The following ASIP variants were observed in gnomAD, a reference collection of about 807,000 sequenced individuals.
The protein encoded by ASIP is agouti signaling protein.
In ASIP, 11 loss-of-function variants were observed where a neutral mutation model predicts 10.3. The observed-to-expected ratio is 1.07, with a 90% CI of 0.68 to 1.78. The LOEUF is 1.78. Ranked by LOEUF, ASIP falls within the 40% of genes most tolerant of loss-of-function variation. The probability of loss-of-function intolerance (pLI) is 0.00; values close to 1 mark genes in which losing one functional copy is unlikely to be tolerated. For synonymous variants in ASIP, 70 were observed against 70.8 expected, an observed-to-expected ratio of 0.99 and a Z score of 0.06; for missense variants, 180 against 169.2, an observed-to-expected ratio of 1.06 and a Z score of -0.35.
At chr20:34,245,758 A>C (rs1289077828) in intron 1 of ASIP, among the ~76,000 whole-genome samples, 1 of 151,852 alleles carries the variant, frequency 6.6e-6, no homozygotes, top group Non-Finnish European at 1.5e-5. Flanking sequence ...TGTTTATTTG[A>C]CTTTGGCAAT....
chr20:34,215,051 G>A (rs1246937448), intron 1 of ASIP: 13 of 1,516,138 alleles, frequency 8.6e-6, no homozygotes, highest in African/African-American at 1.4e-5. Context: ...TCTTCTTCCT[G>A]GTCAATGCTG....
intron 1 of ASIP, among the ~76,000 whole-genome samples, chr20:34,247,020 T>A (rs1197060286): frequency 1.3e-5 from 2 of 149,812 alleles, no homozygotes; most frequent in African/African-American, 2.5e-5. Context: ...TTAGACAGGG[T>A]CTCACTCTAT....
chr20:34,235,896 A>G lies in ASIP; in HGVS notation c.-10-24469A>G, dbSNP rs1466536244. Among the ~76,000 whole-genome samples the G allele has an allele frequency of 1.4e-4, 13 of 95,786 alleles. No homozygotes were observed. In the African/African-American group the frequency reaches 1.5e-3, roughly 11 times the overall value. The allele number at this position is 95,786 out of a possible 152,430, so 62.8% of individuals were successfully genotyped here. ...AAGGAAGGAAGGAAGGAAGGAAGGA[A>G]GGAAAGGAAGGAAGGAAGGAAGGAA... On this transcript the variant is annotated intron_variant, in intron 1 of 3. Transcript: ENST00000568305.
At chr20:34,256,338 C>T (rs575621055) in intron 1 of ASIP, among the ~76,000 whole-genome samples, 101 of 152,274 alleles carry the variant, frequency 6.6e-4, no homozygotes, top group African/African-American at 2.2e-3. Context: ...TGGTAGTGGT[C>T]CCCCGGACCC....
chr20:34,208,423 C>T (rs747822481), intron 1 of ASIP, among the ~76,000 whole-genome samples: 94 of 152,116 alleles, frequency 6.2e-4, no homozygotes, highest in Non-Finnish European at 1.2e-3. Context: ...GGTGTGATCA[C>T]GGCACACTGA....
At chr20:34,246,612 A>G (rs563787456) in intron 1 of ASIP, 8 of 645,036 alleles carry the variant, frequency 1.2e-5, no homozygotes, top group Middle Eastern at 4.3e-4. Context: ...ACATGCCACC[A>G]TGCCTGACTA....
intron 1 of ASIP, among the ~76,000 whole-genome samples, chr20:34,200,999 TC>T (rs2034890959): frequency 3.1e-5 from 2 of 65,202 alleles, no homozygotes; most frequent in East Asian, 4.4e-4. Context: ...CTTCCTTCCT[TC>T]CTTCCTTCCT....
At chr20:34,266,282 G>A (rs1324918215) in intron 3 of ASIP, among the ~76,000 whole-genome samples, 1 of 150,854 alleles carries the variant, frequency 6.6e-6, no homozygotes, top group African/African-American at 2.4e-5. Context: ...AACCCGGGAG[G>A]CAGAGTACAG....
intron 1 of ASIP, among the ~76,000 whole-genome samples, chr20:34,235,833 GAAAGAAA>G (rs1568755878): frequency 7.6e-4 from 48 of 63,102 alleles, no homozygotes; most frequent in African/African-American, 5.4e-3. Context: ...AAGAAAGAAA[GAAAGAAA>G]GAAGGAAGGA....
At chr20:34,196,339 A>G (rs1478202854) in intron 1 of ASIP, among the ~76,000 whole-genome samples, 1 of 151,648 alleles carries the variant, frequency 6.6e-6, no homozygotes, top group African/African-American at 2.4e-5. Flanking sequence ...ACGCCCAGCT[A>G]ATTTTTTGTA....
chr20:34,214,729 A>G (rs1263813681), intron 1 of ASIP: 13 of 1,166,952 alleles, frequency 1.1e-5, no homozygotes, highest in Admixed American at 6.7e-5. Context: ...CAATTTTTTC[A>G]TAACGGCCAA....
At chr20:34,217,254 A>G (rs2035014825) in intron 1 of ASIP, among the ~76,000 whole-genome samples, 1 of 151,946 alleles carries the variant, frequency 6.6e-6, no homozygotes, top group South Asian at 2.1e-4. Flanking sequence ...CCTGGGCAAC[A>G]TGGCAAAACC....
chr20:34,236,764 A>G (rs950587109), upstream of ASIP, among the ~76,000 whole-genome samples: 7 of 152,208 alleles, frequency 4.6e-5, no homozygotes, highest in Admixed American at 1.3e-4. Context: ...CAGCTGAAGA[A>G]TTTTGGGAAA....
chr20:34,261,763 T>C (rs910217284), intron 2 of ASIP, among the ~76,000 whole-genome samples: 3 of 150,430 alleles, frequency 2.0e-5, no homozygotes, highest in Admixed American at 6.6e-5. Context: ...GATCACACCA[T>C]TGCACTCCAG....
At chr20:34,265,597 G>A (rs2035770258) in intron 3 of ASIP, among the ~76,000 whole-genome samples, 1 of 152,038 alleles carries the variant, frequency 6.6e-6, no homozygotes. Context: ...AGGGTCAACT[G>A]TATATAATTA....
chr20:34,221,489 T>C (rs974116057), intron 1 of ASIP, among the ~76,000 whole-genome samples: 2 of 152,200 alleles, frequency 1.3e-5, no homozygotes, highest in Admixed American at 6.5e-5. Flanking sequence ...CCAGGGACAC[T>C]GAGATGAATC....
At chr20:34,240,359 A>G (rs949874369), upstream of ASIP, among the ~76,000 whole-genome samples, 3 of 152,186 alleles carry the variant, frequency 2.0e-5, no homozygotes, top group African/African-American at 7.2e-5. Context: ...CCTGGTCCCT[A>G]GACTCTGATT....
upstream of ASIP, among the ~76,000 whole-genome samples, chr20:34,238,379 A>G (rs2035238658): frequency 6.6e-6 from 1 of 152,054 alleles, no homozygotes; most frequent in South Asian, 2.1e-4. Flanking sequence ...AGTAATTTTC[A>G]TGGTTCTATC....
intron 1 of ASIP, among the ~76,000 whole-genome samples, chr20:34,248,758 C>A (rs1369664004): frequency 6.6e-6 from 1 of 151,932 alleles, no homozygotes; most frequent in Non-Finnish European, 1.5e-5. Context: ...TATGGTCTTG[C>A]CATTGCCTTC....
Sources: allele counts gnomAD v4.1 joint callset (sites outside exome capture counted in the v4.1 genomes callset), GRCh38; gene constraint gnomAD v4.1.1; transcripts MANE v1.5; gene names NCBI Gene and HGNC (gene_info 2026-07-23, HGNC 2026-07-21).